The following ITPK1 variants were observed in gnomAD, a reference collection of about 807,000 sequenced individuals.
The protein encoded by ITPK1 is inositol-tetrakisphosphate 1-kinase, also known as inositol 1,3,4-trisphosphate 5/6-kinase.
ITPK1 carries 21 observed loss-of-function variants against 45.3 expected under a neutral mutation model. The ratio of observed to expected loss-of-function variants is 0.46; its 90% CI spans 0.33 to 0.67. ITPK1 has a LOEUF of 0.67. Among genes scored for constraint, ITPK1 ranks in the 30% least tolerant of loss-of-function variants. ITPK1 has a pLI of 0.02. For missense variants in ITPK1, 474 were observed against 573.5 expected (o/e 0.83, Z 1.77); for synonymous variants, 258 against 253.6 (o/e 1.02, Z -0.16).
chr14:93,055,778 T>C (rs1011712423), intron 3 of ITPK1, among the ~76,000 whole-genome samples: 1 of 152,160 alleles, frequency 6.6e-6, no homozygotes, highest in Non-Finnish European at 1.5e-5. Flanking sequence ...CAGCGGTCCC[T>C]ACCACTCCCC....
intron 5 of ITPK1, among the ~76,000 whole-genome samples, chr14:92,970,996 G>C (rs1177927927): frequency 1.3e-5 from 2 of 152,120 alleles, no homozygotes; most frequent in Non-Finnish European, 2.9e-5. Context: ...TCAGGCCCCA[G>C]GGCAGCTATC....
intron 5 of ITPK1, among the ~76,000 whole-genome samples, chr14:92,977,307 C>T (rs575361917): frequency 1.3e-5 from 2 of 152,322 alleles, no homozygotes; most frequent in South Asian, 2.1e-4. Flanking sequence ...TCTGACATGG[C>T]CCTGGGGGAG....
chr14:93,084,214 G>A (rs1048515248), intron 2 of ITPK1, among the ~76,000 whole-genome samples: 3 of 152,198 alleles, frequency 2.0e-5, no homozygotes, highest in East Asian at 1.9e-4. Flanking sequence ...GCTGAGTGGC[G>A]ACGAAGCCAG....
chr14:93,011,588 T>G (rs998984173), intron 4 of ITPK1, among the ~76,000 whole-genome samples: 2 of 152,018 alleles, frequency 1.3e-5, no homozygotes, highest in African/African-American at 2.4e-5. Flanking sequence ...AGGAGGTGAG[T>G]GCAACTTTGT....
chr14:93,024,831 C>G (rs1888654050), intron 3 of ITPK1, among the ~76,000 whole-genome samples: 1 of 152,156 alleles, frequency 6.6e-6, no homozygotes, highest in African/African-American at 2.4e-5. Context: ...CCCTGTGGCT[C>G]CGGGACACAG....
In ITPK1 at chr14:93,074,781, G is replaced by A. The variant is rs560294093; in HGVS notation, c.120+1814C>T. Among the ~76,000 whole-genome samples, 40 of 152,260 alleles carry A rather than the reference G, an allele frequency of 2.6e-4. No homozygotes were observed. In the East Asian group the frequency reaches 5.6e-3, roughly 21 times the overall value. On this transcript the variant is annotated intron_variant, in intron 3 of 10. Transcript: ENST00000267615. The stretch of plus-strand genomic sequence containing the variant: ...GGCTAAAAGGGAAATAGAAGCCACC[G>A]CATCCTAGAGGTGCAATGGTTAGAG...
chr14:92,993,437 C>A (rs1886893786), intron 5 of ITPK1, among the ~76,000 whole-genome samples: 1 of 152,158 alleles, frequency 6.6e-6, no homozygotes, highest in South Asian at 2.1e-4. Flanking sequence ...CCCTGCCCTC[C>A]AGAACAGAGT....
intron 2 of ITPK1, among the ~76,000 whole-genome samples, chr14:93,110,197 A>G (rs1892691537): frequency 6.6e-6 from 1 of 152,028 alleles, no homozygotes; most frequent in African/African-American, 2.4e-5. Context: ...GCTTCCTCCT[A>G]TGTGAAGTTC....
rs568012683 is a variant in ITPK1, at chr14:93,036,430, G to A, written c.121-19629C>T. Among the ~76,000 whole-genome samples, 5 of 152,290 alleles carry A rather than the reference G, an allele frequency of 3.3e-5. No homozygotes were observed. The highest frequency in any genetic ancestry group is 4.1e-4 in the South Asian group (2 of 4,826). ...ATGTGACAGGCTCCTCAGTATTCACGGCTGCTTTCCCGCACGTCAGACACA... is the reference window on the plus strand; with the variant it reads ...ATGTGACAGGCTCCTCAGTATTCACAGCTGCTTTCCCGCACGTCAGACACA... On this transcript the variant is annotated intron_variant, in intron 3 of 10. Transcript: ENST00000267615. This position sits in a 1 kb window ranked among gnomAD's most constrained non-coding sequence, Gnocchi z 4.1.
intron 2 of ITPK1, among the ~76,000 whole-genome samples, chr14:93,112,231 T>C (rs1054006018): frequency 1.3e-5 from 2 of 151,992 alleles, no homozygotes; most frequent in African/African-American, 2.4e-5. Context: ...ATTCTAGAAG[T>C]TAAAGGAAAA....
rs1892933486 is a variant in ITPK1 at position 93,115,925 on chromosome 14, C to G, written c.-296G>C. On this transcript the variant is annotated 5_prime_UTR_variant, in exon 1 of 11. Transcript: ENST00000267615. ...GCTTGAGCCCGCGGCGGCGAGGAAGCGGCGGGGCGGCCGCCAGGGGGCAGC... is the reference window on the plus strand; with the variant it reads ...GCTTGAGCCCGCGGCGGCGAGGAAGGGGCGGGGCGGCCGCCAGGGGGCAGC... 6.8e-6 allele frequency: 1 copy of G among 146,014 alleles called. No individual in the cohort carries two copies. The highest frequency in any genetic ancestry group is 2.5e-5 in the African/African-American group (1 of 40,614). The allele number at this position is 146,014 out of a possible 1,614,324, so 9.0% of individuals were successfully genotyped here.
At chr14:93,078,023 A>G (rs1326262358) in intron 2 of ITPK1, among the ~76,000 whole-genome samples, 1 of 152,176 alleles carries the variant, frequency 6.6e-6, no homozygotes, top group Non-Finnish European at 1.5e-5. Context: ...GCCAAACTTT[A>G]AAGCTATGTG....
At chr14:92,978,694 T>A (rs1338539502) in intron 5 of ITPK1, among the ~76,000 whole-genome samples, 1 of 151,364 alleles carries the variant, frequency 6.6e-6, no homozygotes, top group Non-Finnish European at 1.5e-5. Flanking sequence ...TCCCCAAGCC[T>A]TGGTGGCTTC....
At chr14:93,037,878 G>T (rs145399092) in intron 3 of ITPK1, among the ~76,000 whole-genome samples, 1 of 152,004 alleles carries the variant, frequency 6.6e-6, no homozygotes, top group Admixed American at 6.6e-5. Context: ...ATTTACTCAG[G>T]GATCGAAAAA....
intron 5 of ITPK1, among the ~76,000 whole-genome samples, chr14:92,967,913 A>G (rs974432470): frequency 1.1e-4 from 16 of 152,340 alleles, no homozygotes; most frequent in Admixed American, 5.9e-4. Flanking sequence ...GAAGGAAGGA[A>G]CTGGGAGGGA....
At chr14:93,096,410 C>T (rs771350325) in intron 2 of ITPK1, among the ~76,000 whole-genome samples, 1 of 152,220 alleles carries the variant, frequency 6.6e-6, no homozygotes, top group Non-Finnish European at 1.5e-5. Context: ...TCCCTATAGC[C>T]CTCACAGACT....
At chr14:93,074,364 G>T (rs1421500062) in intron 3 of ITPK1, among the ~76,000 whole-genome samples, 1 of 152,152 alleles carries the variant, frequency 6.6e-6, no homozygotes, top group Non-Finnish European at 1.5e-5. Context: ...CCCACAGACC[G>T]AGCGGATTAA....
At chr14:93,092,169 G>A (rs532885077) in intron 2 of ITPK1, among the ~76,000 whole-genome samples, 5 of 152,262 alleles carry the variant, frequency 3.3e-5, no homozygotes, top group South Asian at 4.1e-4. Flanking sequence ...AGGCACCCAC[G>A]CTAAGCCCAG....
chr14:93,010,169 G>C (rs1887822119), intron 4 of ITPK1, among the ~76,000 whole-genome samples: 1 of 152,114 alleles, frequency 6.6e-6, no homozygotes. Flanking sequence ...TGGTCAGCAG[G>C]CACAAAGGCA....
Sources: gnomAD v4.1 joint callset for allele counts (sites outside exome capture counted in the v4.1 genomes callset) on GRCh38, gnomAD v4.1.1 for gene constraint, Gnocchi (gnomAD v3.1) non-coding constraint, MANE v1.5 for transcripts, NCBI Gene and HGNC (gene_info 2026-07-23, HGNC 2026-07-21) for gene names.